MAPKAPK2: variants seen among roughly 807,000 people sequenced by gnomAD.
The protein encoded by MAPKAPK2 is MAP kinase-activated protein kinase 2.
Under a neutral mutation model 48.8 loss-of-function variants are expected in MAPKAPK2, and 9 were observed. The ratio of observed to expected loss-of-function variants is 0.18; its 90% CI spans 0.11 to 0.32. MAPKAPK2 has a LOEUF of 0.32. MAPKAPK2 is among the 10% of genes least tolerant of loss of function. The probability of loss-of-function intolerance (pLI) is 1.00; values close to 1 mark genes in which losing one functional copy is unlikely to be tolerated. For synonymous variants in MAPKAPK2, 202 were observed against 190.6 expected (o/e 1.06, Z -0.49); for missense variants, 331 against 498.3 (o/e 0.66, Z 3.20).
At chr1:206,702,202 T>G (rs781895356) in intron 1 of MAPKAPK2, among the ~76,000 whole-genome samples, 1 of 152,224 alleles carries the variant, frequency 6.6e-6, no homozygotes, top group Non-Finnish European at 1.5e-5. Context: ...TTTCGAATCT[T>G]GAGATTTGGT....
intron 1 of MAPKAPK2, among the ~76,000 whole-genome samples, chr1:206,685,893 C>G (rs2102367649): frequency 6.6e-6 from 1 of 152,262 alleles, no homozygotes; most frequent in Admixed American, 6.5e-5. Context: ...CCTCCTTTTT[C>G]TCTCTCTGCG....
Position 206,712,937 on chromosome 1 carries a change from G to C in MAPKAPK2, c.280-15773G>C, listed in dbSNP as rs1394555633. Among the ~76,000 whole-genome samples, 4 of 145,470 alleles carry C rather than the reference G, an allele frequency of 2.7e-5. No individual in the cohort carries two copies. The East Asian group carries it at 8.2e-4, about 30-fold the overall frequency. ...GCTGAGATCGTGCCACTGCATTCCA[G>C]CCTGGGCGACAGAATGAGACTCCAT... On this transcript the variant is annotated intron_variant, in intron 1 of 9. Transcript: ENST00000367103.
chr1:206,730,087 C>T lies in MAPKAPK2; in HGVS notation c.680C>T (p.Pro227Leu). Residue 227 changes from proline (P) to leucine (L), a missense_variant, in exon 5 of 10, where the codon CCG (proline) becomes CTG (leucine). Pro to Leu is a moderately conservative substitution (Grantham distance 98, BLOSUM62 -3). Around this residue, in one of 4 missense-constraint regions of MAPKAPK2, gnomAD observed 111 missense variants for 193.6 expected, o/e 0.57. Coordinates refer to ENST00000367103, the MANE Select transcript of MAPKAPK2 (RefSeq NM_032960.4). ...TCTTTGACCACTCCTTGTTATACAC[C>T]GTACTATGTGGGTAAGTCCACAGGG... ...HNSLTTPCYT[P>L]YYVAPEVLGP... 6.2e-7 allele frequency: 1 copy of T among 1,614,212 alleles called. No individual in the cohort carries two copies.
intron 1 of MAPKAPK2, among the ~76,000 whole-genome samples, chr1:206,708,381 A>G (rs1198968889): frequency 6.6e-6 from 1 of 152,216 alleles, no homozygotes; most frequent in African/African-American, 2.4e-5. Context: ...CAAACTGGAA[A>G]GAATTGTACA....
chr1:206,701,209 G>A (rs1672783058), intron 1 of MAPKAPK2, among the ~76,000 whole-genome samples: 1 of 152,172 alleles, frequency 6.6e-6, no homozygotes, highest in African/African-American at 2.4e-5. Flanking sequence ...GAGAAGCTGT[G>A]CTGGCCTCTG....
chr1:206,727,019 A>G (rs1033755806), intron 1 of MAPKAPK2, among the ~76,000 whole-genome samples: 2 of 151,696 alleles, frequency 1.3e-5, no homozygotes, highest in African/African-American at 4.8e-5. Context: ...CTCTGCCTTC[A>G]TGCCTTCCCT....
chr1:206,730,851 C>G, intron 6 of MAPKAPK2, 88 bp downstream of exon 6: 1 of 1,409,854 alleles, frequency 7.1e-7, no homozygotes, highest in Non-Finnish European at 1.0e-6. Flanking sequence ...CAGACGTTAG[C>G]ATTCCCCTTT....
rs377226143 is a variant in MAPKAPK2, at chr1:206,732,741, G to T, written c.*23G>T. On this transcript the variant is annotated 3_prime_UTR_variant, in exon 10 of 10. Coordinates refer to ENST00000367103, the MANE Select transcript of MAPKAPK2 (RefSeq NM_032960.4). The surrounding 1 kb of genome is among the most constrained non-coding windows in gnomAD (Gnocchi z 4.4). ...TGAGCCACCGCGCCCTCCTGCCCACGGGAGGACAAGCAATAACTCTCTACA... is the reference window on the plus strand; with the variant it reads ...TGAGCCACCGCGCCCTCCTGCCCACTGGAGGACAAGCAATAACTCTCTACA... 13 of 1,613,320 alleles carry T rather than the reference G, an allele frequency of 8.1e-6. No homozygotes were observed. Among genetic ancestry groups the T allele is most frequent in the South Asian group, 2.2e-5 (2 of 91,032 alleles).
intron 1 of MAPKAPK2, among the ~76,000 whole-genome samples, chr1:206,689,227 C>T (rs376922939): frequency 5.5e-4 from 84 of 152,288 alleles, no homozygotes; most frequent in African/African-American, 1.9e-3. Context: ...TTTTCCTTTC[C>T]TTTCTCCAGC....
In MAPKAPK2 at chr1:206,731,288, G is replaced by A. The variant is rs181115657; in HGVS notation, c.892+26G>A. The stretch of plus-strand genomic sequence containing the variant: ...GTAAGAACCCAGGCTTTCAGGACAA[G>A]GGGAAGAGCCCGTGTGTGTGTGTGT... On this transcript the variant is annotated intron_variant, in intron 7 of 9. Transcript: ENST00000367103. The surrounding 1 kb of genome is among the most constrained non-coding windows in gnomAD (Gnocchi z 5.9). 8.2e-5 allele frequency: 132 copies of A among 1,612,062 alleles called. No individual in the cohort carries two copies. In the African/African-American group the frequency reaches 1.5e-3, roughly 19 times the overall value.
At chr1:206,703,090 A>G (rs987796807) in intron 1 of MAPKAPK2, among the ~76,000 whole-genome samples, 28 of 152,226 alleles carry the variant, frequency 1.8e-4, no homozygotes, top group African/African-American at 6.8e-4. Flanking sequence ...AGTGCAAGCA[A>G]GCACCAGTGC....
rs1674044978 is a variant in MAPKAPK2, at chr1:206,734,244, A to G, written c.*1526A>G. The G allele has an allele frequency of 6.5e-6, 1 of 152,808 alleles. No homozygotes were observed. Among genetic ancestry groups the G allele is most frequent in the African/African-American group, 2.4e-5 (1 of 41,444 alleles). The allele number at this position is 152,808 out of a possible 1,614,324, so 9.5% of individuals were successfully genotyped here. On this transcript the variant is annotated 3_prime_UTR_variant, in exon 10 of 10. Coordinates refer to ENST00000367103, the MANE Select transcript of MAPKAPK2 (RefSeq NM_032960.4). ...CGATTGTTGTAAACTGTTGTTTTGT[A>G]TGAGCGAAATTGTCTTTACTAAACA...
At position 206,715,626 on chromosome 1, in the gene MAPKAPK2, TTTC is replaced by T. The variant is rs1472766771; in HGVS notation, c.280-13081_280-13079del. 1.1e-3 allele frequency among the ~76,000 whole-genome samples: 161 copies of T among 140,656 alleles called. 1 individual carries two copies. The highest frequency in any genetic ancestry group is 4.1e-3 in the African/African-American group (155 of 37,548). The allele number at this position is 140,656 out of a possible 152,430, so 92.3% of individuals were successfully genotyped here. A position where few individuals can be genotyped will look rare whatever the true frequency, so the allele number is the denominator to read the frequency against. Reference sequence around the variant, plus strand: ...TTGGTTTTTTTTTTCTTTTTCTTTCTTTCTTTTTTTTTTTTTTTGAGATAGGGT... The same window carrying T: ...TTGGTTTTTTTTTTCTTTTTCTTTCTTTTTTTTTTTTTTTTGAGATAGGGT... On this transcript the variant is annotated intron_variant, in intron 1 of 9. Coordinates refer to ENST00000367103, the MANE Select transcript of MAPKAPK2 (RefSeq NM_032960.4).
At position 206,732,835 on chromosome 1, in the gene MAPKAPK2, A is replaced by G; in HGVS notation, c.*117A>G. On this transcript the variant is annotated 3_prime_UTR_variant, in exon 10 of 10. Coordinates refer to ENST00000367103, the MANE Select transcript of MAPKAPK2 (RefSeq NM_032960.4). The surrounding 1 kb of genome is among the most constrained non-coding windows in gnomAD (Gnocchi z 4.4). ...CCTCCTCTCCTCCTCAGCTGCATGG[A>G]GCCTGGAACTGCATCAGTGACTGAA... 8.3e-7 allele frequency: 1 copy of G among 1,201,406 alleles called. No individual in the cohort carries two copies. The highest frequency in any genetic ancestry group is 1.2e-6 in the Non-Finnish European group (1 of 863,336). 74.4% of individuals were successfully genotyped at this position (1,201,406 alleles called of 1,614,324 possible).
chr1:206,709,259 G>A (rs1673062936), intron 1 of MAPKAPK2, among the ~76,000 whole-genome samples: 2 of 152,020 alleles, frequency 1.3e-5, no homozygotes, highest in Non-Finnish European at 2.9e-5. Context: ...CTCTTCTTCC[G>A]GCAATTCACC....
rs1674032378 is a variant in MAPKAPK2 at position 206,734,065 on chromosome 1, C to G, written c.*1347C>G. On this transcript the variant is annotated 3_prime_UTR_variant, in exon 10 of 10. Transcript: ENST00000367103. ...TGTCTGTGCCATGGCCCCCCACTCC[C>G]CCTTCCCTTGGAGGGAGAGGTGGCA... The G allele has an allele frequency of 6.5e-6, 1 of 152,706 alleles. No individual in the cohort carries two copies. The highest frequency in any genetic ancestry group is 6.5e-5 in the Admixed American group (1 of 15,290). 9.5% of individuals were successfully genotyped at this position (152,706 alleles called of 1,614,324 possible).
chr1:206,722,961 C>T (rs1553431425), intron 1 of MAPKAPK2, among the ~76,000 whole-genome samples: 1 of 152,254 alleles, frequency 6.6e-6, no homozygotes, highest in African/African-American at 2.4e-5. Context: ...TTTCCCCCGA[C>T]CCCCAGCTGC....
intron 1 of MAPKAPK2, among the ~76,000 whole-genome samples, chr1:206,715,083 T>G (rs1673286156): frequency 6.6e-6 from 1 of 152,170 alleles, no homozygotes; most frequent in Admixed American, 6.5e-5. Flanking sequence ...GTAAGTTGGT[T>G]TATGGTCTAG....
At position 206,731,299 on chromosome 1, in the gene MAPKAPK2, C is replaced by CGTGTGTGT. The variant is rs58152125; in HGVS notation, c.892+50_892+57dup. ...GGCTTTCAGGACAAGGGGAAGAGCC[C>CGTGTGTGT]GTGTGTGTGTGTGTGTGTGTATGTG... is the stretch of plus-strand genomic sequence containing the variant. On this transcript the variant is annotated intron_variant, in intron 7 of 9. Coordinates refer to ENST00000367103, the MANE Select transcript of MAPKAPK2 (RefSeq NM_032960.4). This position sits in a 1 kb window ranked among gnomAD's most constrained non-coding sequence, Gnocchi z 5.9. 1.3e-6 allele frequency: 2 copies of CGTGTGTGT among 1,561,794 alleles called. No individual in the cohort carries two copies. The highest frequency in any genetic ancestry group is 1.7e-6 in the Non-Finnish European group (2 of 1,143,414).
Sources: gnomAD v4.1 joint callset for allele counts (sites outside exome capture counted in the v4.1 genomes callset) on GRCh38, gnomAD v4.1.1 for gene constraint, gnomAD v4.1.1 regional missense constraint, Gnocchi (gnomAD v3.1) non-coding constraint, MANE v1.5 for transcripts, NCBI Gene and HGNC (gene_info 2026-07-23, HGNC 2026-07-21) for gene names.